Variants in CSMD1 observed in about 807,000 individuals in gnomAD.
CSMD1 encodes the protein CUB and Sushi multiple domains 1.
In CSMD1, 213 loss-of-function variants were observed where a neutral mutation model predicts 417.5. The ratio of observed to expected loss-of-function variants is 0.51; its 90% confidence interval spans 0.46 to 0.57. The LOEUF is 0.57. Ranked by LOEUF, CSMD1 falls within the 20% of genes least tolerant of loss-of-function variation. CSMD1 has a pLI of 0.00. For missense variants in CSMD1, 6,923 were observed against 4,529.7 expected, an observed-to-expected ratio of 1.53 and a Z score of -15.17; for synonymous variants, 2,862 against 1,736.8, an observed-to-expected ratio of 1.65 and a Z score of -16.11.
intron 11 of CSMD1, among the ~76,000 whole-genome samples, chr8:3,486,610 C>T (rs1201826418): frequency 6.6e-6 from 1 of 152,248 alleles, no homozygotes; most frequent in Non-Finnish European, 1.5e-5. Flanking sequence ...CTGCTGTTCA[C>T]TCAGCTGCCT....
intron 2 of CSMD1, among the ~76,000 whole-genome samples, chr8:4,596,603 A>G (rs1226328682): frequency 1.3e-5 from 2 of 152,232 alleles, no homozygotes; most frequent in African/African-American, 4.8e-5. Context: ...TATTCTTCCT[A>G]AATCAATGCA....
chr8:4,614,243 C>G (rs193277080), intron 2 of CSMD1, among the ~76,000 whole-genome samples: 46 of 152,192 alleles, frequency 3.0e-4, no homozygotes, highest in Non-Finnish European at 5.7e-4. Context: ...GAGATGGACC[C>G]AAGACTAGTT....
Position 3,918,947 on chromosome 8 carries a change from G to C in CSMD1, c.818+78956C>G, listed in dbSNP as rs185533605. On this transcript the variant is annotated intron_variant, in intron 5 of 69. Coordinates refer to ENST00000635120, the MANE Select transcript of CSMD1 (RefSeq NM_033225.6). ...TTCAGTGTGGGCTGCTCGGGTGATG[G>C]GTACATCAAAATCTCACAAATCACC... Among the ~76,000 whole-genome samples the C allele has an allele frequency of 6.4e-4, 97 of 151,784 alleles. No homozygotes were observed. The East Asian group carries it at 0.015, about 23-fold the overall frequency.
chr8:3,550,596 T>G (rs1048740840), intron 10 of CSMD1, among the ~76,000 whole-genome samples: 1 of 152,228 alleles, frequency 6.6e-6, no homozygotes, highest in Non-Finnish European at 1.5e-5. Flanking sequence ...CCTAAGTTCC[T>G]TTCTCTGACC....
chr8:4,568,156 A>G (rs1798704441), intron 2 of CSMD1, among the ~76,000 whole-genome samples: 1 of 152,174 alleles, frequency 6.6e-6, no homozygotes, highest in South Asian at 2.1e-4. Context: ...TTTTAAAAAA[A>G]TATATAAGTT....
intron 3 of CSMD1, among the ~76,000 whole-genome samples, chr8:4,079,523 C>T (rs535278622): frequency 6.6e-6 from 1 of 152,172 alleles, no homozygotes; most frequent in Non-Finnish European, 1.5e-5. Flanking sequence ...AAGACAGCTG[C>T]ACATCTGATG....
chr8:3,701,615 A>G (rs142045139), intron 7 of CSMD1, among the ~76,000 whole-genome samples: 1 of 152,248 alleles, frequency 6.6e-6, no homozygotes, highest in Admixed American at 6.5e-5. Flanking sequence ...AACTAAAACT[A>G]CGAATATTAT....
intron 12 of CSMD1, among the ~76,000 whole-genome samples, chr8:3,430,532 C>T (rs528914175): frequency 5.9e-5 from 9 of 152,204 alleles, no homozygotes; most frequent in African/African-American, 1.7e-4. Context: ...TTCTGCTAGG[C>T]ACAGTGGCTT....
chr8:2,990,693 G>T (rs1806308477), intron 54 of CSMD1, among the ~76,000 whole-genome samples: 1 of 152,166 alleles, frequency 6.6e-6, no homozygotes, highest in African/African-American at 2.4e-5. Flanking sequence ...TCTGGGGAGA[G>T]TGAGAACAAA....
At chr8:4,174,258 T>A (rs1427786219) in intron 3 of CSMD1, among the ~76,000 whole-genome samples, 1 of 151,996 alleles carries the variant, frequency 6.6e-6, no homozygotes, top group Non-Finnish European at 1.5e-5. Context: ...AGGAAATGAA[T>A]CTTCAGCAAG....
intron 7 of CSMD1, among the ~76,000 whole-genome samples, chr8:3,676,732 C>T (rs13269199): frequency 0.26 from 39,314 of 151,980 alleles, 6,311 homozygotes; most frequent in Admixed American, 0.41. Context: ...CATTGAAATA[C>T]GTATATAATA....
At chr8:3,213,986 C>G (rs1321148772) in intron 30 of CSMD1, among the ~76,000 whole-genome samples, 1 of 151,894 alleles carries the variant, frequency 6.6e-6, no homozygotes, top group East Asian at 1.9e-4. Flanking sequence ...GCTGGGATCA[C>G]AGGCACGCAC....
Position 3,409,547 on chromosome 8 carries a change from G to A in CSMD1, c.1620C>T (p.Gly540=). 1.9e-6 allele frequency: 3 copies of A among 1,610,932 alleles called. No individual in the cohort carries two copies. The highest frequency in any genetic ancestry group is 2.5e-6 in the Non-Finnish European group (3 of 1,178,614). Residue 540 remains glycine, a synonymous_variant, in exon 13 of 70, where the codon GGC becomes GGT. Transcript: ENST00000635120. ...PGIPAYGKRT[G]SSFLHGDTLT... ...GTGTATCTCCATGGAGGAAACTGCTGCCCGTCCGCTTCCCATAGGCGGGGA... is the reference window on the plus strand; with the variant it reads ...GTGTATCTCCATGGAGGAAACTGCTACCCGTCCGCTTCCCATAGGCGGGGA...
At chr8:3,978,910 A>G (rs924823773) in intron 5 of CSMD1, among the ~76,000 whole-genome samples, 1 of 152,202 alleles carries the variant, frequency 6.6e-6, no homozygotes, top group Admixed American at 6.5e-5. Context: ...AAGACAAGGA[A>G]TTAGCGTCCT....
intron 5 of CSMD1, among the ~76,000 whole-genome samples, chr8:3,984,297 T>C (rs2554727): frequency 0.8 from 121,597 of 152,120 alleles, 48,663 homozygotes; most frequent in East Asian, 0.88. Context: ...ATGTCACACA[T>C]GCACAGAGTT....
At chr8:3,752,676 CAAAAAAAAAAAAAA>C (rs200769696) in intron 6 of CSMD1, among the ~76,000 whole-genome samples, 4 of 96,942 alleles carry the variant, frequency 4.1e-5, no homozygotes, top group East Asian at 3.7e-4. Context: ...CCCCGCCTGG[CAAAAAAAAAAAAAA>C]AAAAAAAAAA....
At position 3,453,064 on chromosome 8, in the gene CSMD1, G is replaced by C. The variant is rs557456163; in HGVS notation, c.1561+15648C>G. The stretch of plus-strand genomic sequence containing the variant: ...GTCTTGGGAGAGTGTATGTGTCGAG[G>C]AATTTATCCATTTCTTCTAGATTTT... On this transcript the variant is annotated intron_variant, in intron 12 of 69. Coordinates refer to ENST00000635120, the MANE Select transcript of CSMD1 (RefSeq NM_033225.6). 2.6e-5 allele frequency among the ~76,000 whole-genome samples: 4 copies of C among 152,284 alleles called. No individual in the cohort carries two copies. The East Asian group carries it at 5.8e-4, about 22-fold the overall frequency.
chr8:3,776,195 T>C (rs894066655), intron 5 of CSMD1, among the ~76,000 whole-genome samples: 1 of 152,162 alleles, frequency 6.6e-6, no homozygotes, highest in Non-Finnish European at 1.5e-5. Context: ...TGTCTGACCA[T>C]CTCAGCACCG....
intron 12 of CSMD1, among the ~76,000 whole-genome samples, chr8:3,419,506 C>G (rs1451213256): frequency 5.3e-5 from 8 of 152,110 alleles, no homozygotes; most frequent in African/African-American, 1.9e-4. Flanking sequence ...AATAAAAACT[C>G]TATGTATTTG....
Sources: gnomAD v4.1 joint callset for allele counts (sites outside exome capture counted in the v4.1 genomes callset) on GRCh38, gnomAD v4.1.1 for gene constraint, MANE v1.5 for transcripts, NCBI Gene and HGNC (gene_info 2026-07-23, HGNC 2026-07-21) for gene names.